Variants in SH3YL1 observed in about 807,000 individuals in gnomAD.
The protein encoded by SH3YL1 is SH3 and SYLF domain containing 1.
Under a neutral mutation model 45.8 loss-of-function variants are expected in SH3YL1, and 41 were observed. The observed-to-expected ratio is 0.89, with a 90% CI of 0.70 to 1.16. The LOEUF (loss-of-function observed/expected upper bound fraction) is 1.16. SH3YL1 is among the 50% of genes most tolerant of loss of function. SH3YL1 has a pLI of 0.00. For missense variants in SH3YL1, 389 were observed against 409.6 expected (o/e 0.95, Z 0.43); for synonymous variants, 152 against 151.4 (o/e 1.00, Z -0.03).
At chr2:264,638 C>G (rs932326837), upstream of SH3YL1, 20 of 209,764 alleles carry the variant, frequency 9.5e-5, no homozygotes, top group African/African-American at 4.8e-4. Flanking sequence ...CACACCCCCT[C>G]GCCTTCCGCG....
chr2:235,335 G>A (rs1286529682), intron 4 of SH3YL1, among the ~76,000 whole-genome samples: 2 of 151,896 alleles, frequency 1.3e-5, no homozygotes, highest in African/African-American at 2.4e-5. Context: ...TCAAATGAGA[G>A]GCAGCATGGG....
chr2:263,731 T>C (rs1669707805), intron 1 of SH3YL1: 2 of 455,026 alleles, frequency 4.4e-6, no homozygotes, highest in Non-Finnish European at 3.9e-6. Flanking sequence ...AACACGACCA[T>C]CGTCATCATT....
At chr2:231,531 CACAT>C (rs1328855862) in intron 6 of SH3YL1, among the ~76,000 whole-genome samples, 1 of 152,084 alleles carries the variant, frequency 6.6e-6, no homozygotes, top group Non-Finnish European at 1.5e-5. Flanking sequence ...TACACACAAG[CACAT>C]ACATTTTTAT....
At chr2:264,321 G>A, upstream of SH3YL1, 1 of 315,412 alleles carries the variant, frequency 3.2e-6, no homozygotes, top group Non-Finnish European at 5.8e-6. Context: ...GACCCCGCGG[G>A]GCTCAAGGCA....
rs916317012 is a variant in SH3YL1 at position 262,567 on chromosome 2, T to C, written c.1+1417A>G. 1.3e-5 allele frequency: 17 copies of C among 1,302,390 alleles called. No individual in the cohort carries two copies. In the Admixed American group the frequency reaches 2.8e-4, roughly 21 times the overall value. The allele number at this position is 1,302,390 out of a possible 1,614,324, so 80.7% of individuals were successfully genotyped here. On this transcript the variant is annotated intron_variant, in intron 1 of 9. Coordinates refer to ENST00000356150, the MANE Select transcript of SH3YL1 (RefSeq NM_015677.4). ...ATGGGATCTTCTCAGAGAAAATTTTTTTAAAAACTTCATGTGCTTAGGTCT... is the reference window on the plus strand; with the variant it reads ...ATGGGATCTTCTCAGAGAAAATTTTCTTAAAAACTTCATGTGCTTAGGTCT...
chr2:262,604 A>T (rs1273843438), intron 1 of SH3YL1: 1 of 1,304,228 alleles, frequency 7.7e-7, no homozygotes, highest in East Asian at 5.5e-5. Context: ...AGAGCAGAGA[A>T]TTTTGTCTTA....
intron 4 of SH3YL1, chr2:240,818 A>G (rs1668511999): frequency 6.6e-6 from 1 of 152,288 alleles, no homozygotes; most frequent in Non-Finnish European, 1.5e-5. Context: ...ATGCCCATAG[A>G]CAACATTGGA....
chr2:231,153 A>G lies in SH3YL1; in HGVS notation c.572T>C (p.Phe191Ser), dbSNP rs527843787. The G allele has an allele frequency of 1.6e-5, 26 of 1,613,956 alleles. No homozygotes were observed. The African/African-American group carries it at 2.4e-4, about 15-fold the overall frequency. Residue 191 changes from phenylalanine to serine, a missense_variant, in exon 7 of 10, where the codon TTT (phenylalanine) becomes TCT (serine). Physicochemically the swap from Phe to Ser is radical, Grantham distance 155 (BLOSUM62 -2). Coordinates refer to ENST00000356150, the MANE Select transcript of SH3YL1 (RefSeq NM_015677.4). ...TTGAGCAGGCCGCGGTGTATCTCCA[A>G]ATAAAATGTCATAAGCTCGGATATC... The part of the protein sequence containing the change: ...CQDIRAYDIL[F>S]GDTPRPAQAE...
Position 231,084 on chromosome 2 carries a change from T to A in SH3YL1, c.641A>T (p.Tyr214Phe), listed in dbSNP as rs1459751101. Residue 214 changes from tyrosine (Y) to phenylalanine (F), a missense_variant, in exon 7 of 10, where the codon TAT (tyrosine) becomes TTT (phenylalanine). Tyr to Phe is a conservative substitution (Grantham distance 22). Coordinates refer to ENST00000356150, the MANE Select transcript of SH3YL1 (RefSeq NM_015677.4). ...YEILDSFTEK[Y>F]ENEGQRINAR... The stretch of plus-strand genomic sequence containing the variant: ...ATTGATTCGTTGTCCTTCATTTTCA[T>A]ACTTTTCAGTAAAGGAATCAAGAAT... The A allele has an allele frequency of 1.2e-6, 2 of 1,614,180 alleles. No individual in the cohort carries two copies. The highest frequency in any genetic ancestry group is 1.7e-6 in the Non-Finnish European group (2 of 1,180,006).
At chr2:241,499 T>C (rs1272336398) in intron 4 of SH3YL1, 1 of 152,050 alleles carries the variant, frequency 6.6e-6, no homozygotes, top group Non-Finnish European at 1.5e-5. Flanking sequence ...AAAGAAATAA[T>C]GGCTGAAAAT....
chr2:260,738 T>C (rs543524889), intron 1 of SH3YL1: 7 of 152,374 alleles, frequency 4.6e-5, no homozygotes, highest in Non-Finnish European at 8.8e-5. Context: ...TTCTGATACA[T>C]GCAACTGAAG....
At chr2:255,023 T>C (rs1439438990) in intron 1 of SH3YL1, among the ~76,000 whole-genome samples, 1 of 152,216 alleles carries the variant, frequency 6.6e-6, no homozygotes, top group Non-Finnish European at 1.5e-5. Context: ...TGATGTCTCA[T>C]GTCTCCCTAA....
rs561932742 is a variant in SH3YL1 at position 224,124 on chromosome 2, G to A, written c.838+740C>T. 5.3e-5 allele frequency among the ~76,000 whole-genome samples: 8 copies of A among 152,204 alleles called. No individual in the cohort carries two copies. The South Asian group carries it at 1.2e-3, about 24-fold the overall frequency. ...CATATAGCTTTGTGACTCCAATGAC[G>A]AAAGTATTCAATGTGAAAAAATAAA... On this transcript the variant is annotated intron_variant, in intron 9 of 9. Transcript: ENST00000356150.
intron 4 of SH3YL1, chr2:241,749 C>A (rs1668554203): frequency 6.6e-6 from 1 of 151,932 alleles, no homozygotes; most frequent in African/African-American, 2.4e-5. Context: ...TGACAAAATG[C>A]TGAAAGAAAG....
At chr2:255,588 C>T (rs542444875) in intron 1 of SH3YL1, among the ~76,000 whole-genome samples, 8 of 152,308 alleles carry the variant, frequency 5.3e-5, no homozygotes, top group Non-Finnish European at 7.3e-5. Context: ...CAGGGCAAAG[C>T]CCTGCCTCAA....
At chr2:243,701 C>T in intron 4 of SH3YL1, 1 of 937,242 alleles carries the variant, frequency 1.1e-6, no homozygotes, top group Non-Finnish European at 1.5e-6. Context: ...AAGTTTCTTC[C>T]CCGGAAGAAC....
rs1667740423 is a variant in SH3YL1 at position 225,128 on chromosome 2, C to G, written c.782-208G>C. Among the ~76,000 whole-genome samples the G allele has an allele frequency of 2.6e-5, 4 of 152,268 alleles. No individual in the cohort carries two copies. In the South Asian group the frequency reaches 8.3e-4, roughly 32 times the overall value. ...TGAAGTATAAGGTAGATGATAAATA[C>G]CTGACATCTGTATGACACAGAAGTA... is the stretch of plus-strand genomic sequence containing the variant. On this transcript the variant is annotated intron_variant, in intron 8 of 9. Transcript: ENST00000356150.
intron 8 of SH3YL1, among the ~76,000 whole-genome samples, chr2:226,868 G>A (rs887354048): frequency 6.6e-6 from 1 of 151,876 alleles, no homozygotes; most frequent in Non-Finnish European, 1.5e-5. Flanking sequence ...TAGTATACAC[G>A]GTACAGAATA....
chr2:233,241 A>G lies in SH3YL1; in HGVS notation c.405-12T>C. 1 of 1,552,596 alleles carries G rather than the reference A, an allele frequency of 6.4e-7. No homozygotes were observed. The highest frequency in any genetic ancestry group is 1.2e-5 in the South Asian group (1 of 81,928). On this transcript the variant is annotated splice_polypyrimidine_tract_variant and intron_variant, in intron 5 of 9. Coordinates refer to ENST00000356150, the MANE Select transcript of SH3YL1 (RefSeq NM_015677.4). The stretch of plus-strand genomic sequence containing the variant: ...TTCCTTCCAAGTTCCTGCAAAGCAC[A>G]AGATTTTGCATCACAAAGCTGTGAG...
Sources: allele counts gnomAD v4.1 joint callset (sites outside exome capture counted in the v4.1 genomes callset), GRCh38; gene constraint gnomAD v4.1.1; transcripts MANE v1.5; gene names NCBI Gene and HGNC (gene_info 2026-07-23, HGNC 2026-07-21).